The following SLC6A3 variants were observed in gnomAD, a reference collection of about 807,000 sequenced individuals.
SLC6A3 encodes the protein solute carrier family 6 member 3.
In SLC6A3, 19 loss-of-function variants were observed where a neutral mutation model predicts 70.4. The ratio of observed to expected loss-of-function variants is 0.27; its 90% confidence interval spans 0.19 to 0.40. SLC6A3 has a LOEUF of 0.40. Among genes scored for constraint, SLC6A3 ranks in the 10% least tolerant of loss-of-function variants. The pLI is 1.00. For missense variants in SLC6A3, 613 were observed against 838.5 expected (o/e 0.73, Z 3.32); for synonymous variants, 368 against 356.6 (o/e 1.03, Z -0.36).
At chr5:1,428,732 C>A (rs1008491872) in intron 4 of SLC6A3, among the ~76,000 whole-genome samples, 4 of 152,202 alleles carry the variant, frequency 2.6e-5, no homozygotes, top group African/African-American at 9.7e-5. Flanking sequence ...GGAGCCAGCA[C>A]TGCACACGGC....
chr5:1,417,914 G>A (rs753154118), intron 6 of SLC6A3, among the ~76,000 whole-genome samples: 22 of 152,374 alleles, frequency 1.4e-4, no homozygotes, highest in South Asian at 6.2e-4. Flanking sequence ...CTGAGCAAGG[G>A]AACTGGGTGC....
rs191661823 is a variant in SLC6A3, at chr5:1,429,814, G to A, written c.653+2650C>T. Among the ~76,000 whole-genome samples, 51 of 152,290 alleles carry A rather than the reference G, an allele frequency of 3.3e-4. No individual in the cohort carries two copies. In the East Asian group the frequency reaches 4.8e-3, roughly 14 times the overall value. ...TGATCACATGCTAACCCTGAGAGCT[G>A]GGCACACAGCAAGAGCACATGCAGC... On this transcript the variant is annotated intron_variant, in intron 4 of 14. Transcript: ENST00000270349.
chr5:1,430,713 C>A (rs1026080780), intron 4 of SLC6A3, among the ~76,000 whole-genome samples: 1 of 152,134 alleles, frequency 6.6e-6, no homozygotes, highest in African/African-American at 2.4e-5. Context: ...GGAGGCTGTG[C>A]GCCCCGAAGG....
At chr5:1,439,205 G>A (rs965577623) in intron 3 of SLC6A3, among the ~76,000 whole-genome samples, 2 of 152,038 alleles carry the variant, frequency 1.3e-5, no homozygotes, top group Non-Finnish European at 2.9e-5. Flanking sequence ...GGGGACGGAG[G>A]CATGTTCTGA....
At chr5:1,409,151 C>T (rs1206054538) in intron 10 of SLC6A3, 26 bp from the exon 11 acceptor site, 3 of 1,534,888 alleles carry the variant, frequency 2.0e-6, no homozygotes, top group Non-Finnish European at 2.7e-6. Context: ...GCCTGTGGAC[C>T]TACAGAAGGG....
chr5:1,400,717 G>T (rs183882381), intron 14 of SLC6A3, among the ~76,000 whole-genome samples, 198 bp downstream of exon 14: 2 of 152,156 alleles, frequency 1.3e-5, no homozygotes, highest in Admixed American at 1.3e-4. Flanking sequence ...GGGCCCCTGC[G>T]TCATGTGCCC....
chr5:1,419,970 C>T (rs1215483450), intron 6 of SLC6A3, among the ~76,000 whole-genome samples: 1 of 152,128 alleles, frequency 6.6e-6, no homozygotes, highest in African/African-American at 2.4e-5. Flanking sequence ...TCATGACCCC[C>T]AGACCTGGCT....
rs1459524903 is a variant in SLC6A3, at chr5:1,436,873, G to A, written c.419-4175C>T. Among the ~76,000 whole-genome samples, 3 of 152,142 alleles carry A rather than the reference G, an allele frequency of 2.0e-5. No homozygotes were observed. The highest frequency in any genetic ancestry group is 1.5e-5 in the Non-Finnish European group (1 of 68,018). Reference sequence around the variant, plus strand: ...GGCTTCAGGAGAGGGTGTTGTCAACGCATGCACGGATCCCGCTGGAGGAAG... The same window carrying A: ...GGCTTCAGGAGAGGGTGTTGTCAACACATGCACGGATCCCGCTGGAGGAAG... On this transcript the variant is annotated intron_variant, in intron 3 of 14. Transcript: ENST00000270349. This position sits in a 1 kb window ranked among gnomAD's most constrained non-coding sequence, Gnocchi z 5.2.
rs1420495518 is a variant in SLC6A3, at chr5:1,405,176, G to A, written c.1599+1012C>T. Among the ~76,000 whole-genome samples the A allele has an allele frequency of 6.6e-6, 1 of 152,220 alleles. No homozygotes were observed. Among genetic ancestry groups the A allele is most frequent in the African/African-American group, 2.4e-5 (1 of 41,448 alleles). On this transcript the variant is annotated intron_variant, in intron 12 of 14. Coordinates refer to ENST00000270349, the MANE Select transcript of SLC6A3 (RefSeq NM_001044.5). This position sits in a 1 kb window ranked among gnomAD's most constrained non-coding sequence, Gnocchi z 5.3. ...ACACTTACGTGCAGCCACACCACGCGGCCTGGAGCTCAGACACGGTGGAAT... is the reference window on the plus strand; with the variant it reads ...ACACTTACGTGCAGCCACACCACGCAGCCTGGAGCTCAGACACGGTGGAAT...
At chr5:1,428,585 T>A (rs1756624350) in intron 4 of SLC6A3, among the ~76,000 whole-genome samples, 1 of 152,144 alleles carries the variant, frequency 6.6e-6, no homozygotes, top group Admixed American at 6.5e-5. Flanking sequence ...TTCTGCCACC[T>A]CCCTCTGGTG....
At chr5:1,410,730 G>T (rs984027755) in intron 9 of SLC6A3, among the ~76,000 whole-genome samples, 1 of 152,160 alleles carries the variant, frequency 6.6e-6, no homozygotes, top group Admixed American at 6.5e-5. Context: ...GCCCTCCAAG[G>T]CCCCACCACT....
intron 6 of SLC6A3, among the ~76,000 whole-genome samples, chr5:1,417,663 A>G (rs1756338438): frequency 6.6e-6 from 1 of 152,254 alleles, no homozygotes; most frequent in African/African-American, 2.4e-5. Flanking sequence ...GAGACCATTC[A>G]GTGACTCAGA....
At chr5:1,431,439 T>C (rs462053) in intron 4 of SLC6A3, among the ~76,000 whole-genome samples, 46,488 of 132,442 alleles carry the variant, frequency 0.35, 7,955 homozygotes, top group East Asian at 0.56. Context: ...TTGGGGCTGG[T>C]CGGGGTGGAC....
At chr5:1,410,924 GTGTA>G (rs575272116) in intron 9 of SLC6A3, among the ~76,000 whole-genome samples, 140 of 151,878 alleles carry the variant, frequency 9.2e-4, no homozygotes, top group African/African-American at 3.3e-3. Context: ...GTGTGTGTTC[GTGTA>G]TGTGTGTATG....
chr5:1,423,412 G>A (rs1389798198), intron 4 of SLC6A3, among the ~76,000 whole-genome samples: 1 of 152,244 alleles, frequency 6.6e-6, no homozygotes, highest in Non-Finnish European at 1.5e-5. Context: ...CTCCAGGGAT[G>A]AGGCCGAGCA....
chr5:1,422,138 G>T, intron 4 of SLC6A3, 124 bp from the exon 5 acceptor site: 3 of 1,070,066 alleles, frequency 2.8e-6, no homozygotes, highest in South Asian at 2.9e-5. Context: ...CCAGTCTGAT[G>T]GACAAGAGAT....
intron 8 of SLC6A3, among the ~76,000 whole-genome samples, chr5:1,414,437 TG>T (rs1201734657): frequency 1.0e-5 from 1 of 97,968 alleles, no homozygotes; most frequent in Non-Finnish European, 2.0e-5. Context: ...AGGCACTGGG[TG>T]GGGGGCCGGG....
chr5:1,399,683 C>T (rs769100960), intron 14 of SLC6A3, among the ~76,000 whole-genome samples: 12 of 152,142 alleles, frequency 7.9e-5, no homozygotes, highest in African/African-American at 2.4e-4. Flanking sequence ...TGCCTGGACA[C>T]GCCTCCTGTG....
In SLC6A3 at chr5:1,437,404, G is replaced by A. The variant is rs1321263807; in HGVS notation, c.418+3955C>T. ...CAGAACAGGAGAGAGACAGAGAGGA[G>A]AAGAGACAGAACAGGAGAGACACAG... On this transcript the variant is annotated intron_variant, in intron 3 of 14. Coordinates refer to ENST00000270349, the MANE Select transcript of SLC6A3 (RefSeq NM_001044.5). The surrounding 1 kb of genome is among the most constrained non-coding windows in gnomAD (Gnocchi z 4.8). 6.6e-6 allele frequency among the ~76,000 whole-genome samples: 1 copy of A among 152,078 alleles called. No homozygotes were observed. The highest frequency in any genetic ancestry group is 6.5e-5 in the Admixed American group (1 of 15,280).
Sources: allele counts gnomAD v4.1 joint callset (sites outside exome capture counted in the v4.1 genomes callset), GRCh38; gene constraint gnomAD v4.1.1; non-coding constraint Gnocchi (gnomAD v3.1); transcripts MANE v1.5; gene names NCBI Gene and HGNC (gene_info 2026-07-23, HGNC 2026-07-21).